CERS6: variants seen among roughly 807,000 people sequenced by gnomAD.
The protein encoded by CERS6 is ceramide synthase 6, also known as LAG1 homolog, ceramide synthase 6.
CERS6 carries 26 observed loss-of-function variants against 56.8 expected under a neutral mutation model. That is an observed-to-expected ratio of 0.46 (90% CI 0.34 to 0.63). CERS6 has a LOEUF of 0.63. Among genes scored for constraint, CERS6 ranks in the 30% least tolerant of loss-of-function variants. The probability of loss-of-function intolerance (pLI) is 0.01; values close to 1 mark genes in which losing one functional copy is unlikely to be tolerated. For missense variants in CERS6, 415 were observed against 467.5 expected (o/e 0.89, Z 1.04); for synonymous variants, 164 against 173.3 (o/e 0.95, Z 0.42).
At position 168,457,000 on chromosome 2, in the gene CERS6, A is replaced by G. The variant is rs988186344; in HGVS notation, c.170+382A>G. On this transcript the variant is annotated intron_variant, in intron 1 of 9. Transcript: ENST00000305747. This position sits in a 1 kb window ranked among gnomAD's most constrained non-coding sequence, Gnocchi z 4.1. ...GGCGCGCCACGCAAGGCTGCCAGGC[A>G]GGGCTTCCCGCCGGGGCCCGCGCCA... Among the ~76,000 whole-genome samples, 4 of 152,202 alleles carry G rather than the reference A, an allele frequency of 2.6e-5. No homozygotes were observed. Among genetic ancestry groups the G allele is most frequent in the Admixed American group, 2.6e-4 (4 of 15,286 alleles).
At chr2:168,483,270 C>T (rs1694210470) in intron 1 of CERS6, among the ~76,000 whole-genome samples, 1 of 149,940 alleles carries the variant, frequency 6.7e-6, no homozygotes, top group South Asian at 2.1e-4. Context: ...AACTCGTCCA[C>T]GATTACATAG....
At chr2:168,558,522 G>A (rs1386903829) in intron 2 of CERS6, among the ~76,000 whole-genome samples, 1 of 152,114 alleles carries the variant, frequency 6.6e-6, no homozygotes, top group Non-Finnish European at 1.5e-5. Flanking sequence ...TGTGACAAGG[G>A]GTGATATAAT....
intron 1 of CERS6, among the ~76,000 whole-genome samples, chr2:168,503,206 A>G (rs1423607667): frequency 6.6e-6 from 1 of 152,052 alleles, no homozygotes; most frequent in Non-Finnish European, 1.5e-5. Flanking sequence ...CCATGATTCT[A>G]AGTTTCCTGA....
intron 6 of CERS6, among the ~76,000 whole-genome samples, chr2:168,703,462 G>A (rs772898878): frequency 6.6e-6 from 1 of 152,024 alleles, no homozygotes; most frequent in Non-Finnish European, 1.5e-5. Flanking sequence ...GGAGGCTGAG[G>A]CAGGAGAATC....
chr2:168,495,006 A>G (rs1442022917), intron 1 of CERS6, among the ~76,000 whole-genome samples: 1 of 152,138 alleles, frequency 6.6e-6, no homozygotes, highest in African/African-American at 2.4e-5. Flanking sequence ...TTCTGAGGGT[A>G]TGTTTAAGTT....
At chr2:168,524,937 C>A (rs1235935646) in intron 1 of CERS6, among the ~76,000 whole-genome samples, 3 of 151,900 alleles carry the variant, frequency 2.0e-5, no homozygotes, top group Non-Finnish European at 4.4e-5. Flanking sequence ...GCTATGTGGA[C>A]ATTTTTCCTG....
chr2:168,674,618 T>C (rs1012925762), intron 4 of CERS6, among the ~76,000 whole-genome samples: 2 of 152,208 alleles, frequency 1.3e-5, no homozygotes, highest in African/African-American at 4.8e-5. Flanking sequence ...GTACCTTGAA[T>C]TGGTCAGGAT....
chr2:168,640,634 G>C (rs1432119287), intron 4 of CERS6, among the ~76,000 whole-genome samples: 1 of 152,220 alleles, frequency 6.6e-6, no homozygotes, highest in Non-Finnish European at 1.5e-5. Context: ...ACAAGACATG[G>C]TGTCAGATGT....
intron 4 of CERS6, among the ~76,000 whole-genome samples, chr2:168,671,695 T>C (rs1352153322): frequency 6.6e-6 from 1 of 152,214 alleles, no homozygotes; most frequent in Non-Finnish European, 1.5e-5. Context: ...ATATCTGTTA[T>C]TTCTATTTGC....
chr2:168,484,167 GTTTTTTTTTTTTTTT>G (rs34492119), intron 1 of CERS6, among the ~76,000 whole-genome samples: 12 of 51,612 alleles, frequency 2.3e-4, no homozygotes, highest in South Asian at 1.0e-3. Context: ...TCTTTTTTCT[GTTTTTTTTTTTTTTT>G]TTTTTTTTTT....
intron 3 of CERS6, among the ~76,000 whole-genome samples, chr2:168,576,105 A>G (rs1045175527): frequency 6.6e-6 from 1 of 151,998 alleles, no homozygotes; most frequent in African/African-American, 2.4e-5. Context: ...GAAATAGGAG[A>G]CAGGGACATC....
intron 1 of CERS6, among the ~76,000 whole-genome samples, chr2:168,496,617 G>A (rs1694476237): frequency 6.6e-6 from 1 of 152,100 alleles, no homozygotes; most frequent in Non-Finnish European, 1.5e-5. Flanking sequence ...TACTCACAGG[G>A]TTGCTGTGGG....
intron 3 of CERS6, among the ~76,000 whole-genome samples, chr2:168,601,379 A>G (rs2105262972): frequency 6.6e-6 from 1 of 152,282 alleles, no homozygotes; most frequent in South Asian, 2.1e-4. Context: ...GCATTTATCA[A>G]TAGTATTGCA....
At chr2:168,739,477 G>A (rs974821834) in intron 8 of CERS6, among the ~76,000 whole-genome samples, 9 of 152,082 alleles carry the variant, frequency 5.9e-5, no homozygotes, top group African/African-American at 2.2e-4. Context: ...AATTTACCAT[G>A]TGTGCAACAA....
chr2:168,631,102 T>C, intron 4 of CERS6, 60 bp downstream of exon 4: 1 of 414,876 alleles, frequency 2.4e-6, no homozygotes, highest in Non-Finnish European at 3.6e-6. Flanking sequence ...ATATCCTGGT[T>C]TTTTTTTTTA....
chr2:168,538,555 G>A (rs1460579539), intron 1 of CERS6, among the ~76,000 whole-genome samples: 1 of 152,120 alleles, frequency 6.6e-6, no homozygotes, highest in South Asian at 2.1e-4. Flanking sequence ...TACCTAGGTA[G>A]CCCTGTCCTT....
chr2:168,745,641 A>C (rs1257888198), intron 8 of CERS6, among the ~76,000 whole-genome samples: 1 of 152,262 alleles, frequency 6.6e-6, no homozygotes, highest in Non-Finnish European at 1.5e-5. Flanking sequence ...GGAAACCCAC[A>C]GACTGTATGT....
At chr2:168,715,996 A>G (rs1056477643) in intron 7 of CERS6, among the ~76,000 whole-genome samples, 57 of 151,998 alleles carry the variant, frequency 3.8e-4, no homozygotes, top group African/African-American at 1.4e-3. Flanking sequence ...CATTTACTAT[A>G]CTGTGAATGT....
chr2:168,596,829 G>A (rs745718539), intron 3 of CERS6, among the ~76,000 whole-genome samples: 3 of 152,118 alleles, frequency 2.0e-5, no homozygotes, highest in Non-Finnish European at 2.9e-5. Flanking sequence ...ACCATGCCCG[G>A]CTCCCATCCC....
Sources: allele counts gnomAD v4.1 joint callset (sites outside exome capture counted in the v4.1 genomes callset), GRCh38; gene constraint gnomAD v4.1.1; non-coding constraint Gnocchi (gnomAD v3.1); transcripts MANE v1.5; gene names NCBI Gene and HGNC (gene_info 2026-07-23, HGNC 2026-07-21).